Variants in DOK6 observed in about 807,000 individuals in gnomAD.
DOK6 encodes downstream of tyrosine kinase 6.
DOK6 carries 22 observed loss-of-function variants against 44.0 expected under a neutral mutation model. The ratio of observed to expected loss-of-function variants is 0.50; its 90% CI spans 0.36 to 0.71. DOK6 has a LOEUF of 0.71. DOK6 is among the 30% of genes least tolerant of loss of function. The pLI is 0.00. For missense variants in DOK6, 340 were observed against 416.4 expected, an observed-to-expected ratio of 0.82 and a Z score of 1.60; for synonymous variants, 166 against 145.5, an observed-to-expected ratio of 1.14 and a Z score of -1.01.
At chr18:69,585,093 A>G (rs146112692) in intron 2 of DOK6, among the ~76,000 whole-genome samples, 9 of 151,906 alleles carry the variant, frequency 5.9e-5, no homozygotes, top group African/African-American at 2.2e-4. Context: ...TTTATTTTAA[A>G]TCACATTTTC....
chr18:69,428,836 T>C (rs1829131213), intron 1 of DOK6, among the ~76,000 whole-genome samples: 1 of 152,246 alleles, frequency 6.6e-6, no homozygotes, highest in African/African-American at 2.4e-5. Flanking sequence ...TGTGGTACTA[T>C]ATTTTACATC....
intron 1 of DOK6, among the ~76,000 whole-genome samples, chr18:69,482,752 T>C (rs1430416977): frequency 1.3e-5 from 2 of 151,770 alleles, no homozygotes; most frequent in East Asian, 3.9e-4. Context: ...TAAAAATTAT[T>C]CTATAAAATA....
intron 1 of DOK6, among the ~76,000 whole-genome samples, chr18:69,413,161 G>C (rs911588751): frequency 6.6e-6 from 1 of 152,080 alleles, no homozygotes; most frequent in Non-Finnish European, 1.5e-5. Flanking sequence ...AAATCAGCAA[G>C]TGTCAGCTTC....
chr18:69,738,512 G>A (rs1441161023), intron 5 of DOK6, among the ~76,000 whole-genome samples: 1 of 151,952 alleles, frequency 6.6e-6, no homozygotes, highest in Non-Finnish European at 1.5e-5. Context: ...TTAGATAGTT[G>A]AAAAAAGAAT....
At chr18:69,798,489 T>A (rs1980812110) in intron 7 of DOK6, among the ~76,000 whole-genome samples, 1 of 152,082 alleles carries the variant, frequency 6.6e-6, no homozygotes, top group Non-Finnish European at 1.5e-5. Flanking sequence ...GTATGTGTAG[T>A]ACCAAATTAT....
intron 7 of DOK6, among the ~76,000 whole-genome samples, chr18:69,811,486 G>T (rs1473375595): frequency 7.2e-6 from 1 of 138,930 alleles, no homozygotes; most frequent in African/African-American, 2.9e-5. Context: ...AGTATGTGAG[G>T]TAATGCATAT....
intron 7 of DOK6, among the ~76,000 whole-genome samples, chr18:69,829,203 T>C (rs1013595133): frequency 1.3e-5 from 2 of 151,336 alleles, no homozygotes; most frequent in African/African-American, 4.8e-5. Flanking sequence ...CAGGAAATTA[T>C]TTTAATAATT....
intron 1 of DOK6, among the ~76,000 whole-genome samples, chr18:69,490,288 C>A (rs1239024791): frequency 6.6e-6 from 1 of 152,102 alleles, no homozygotes; most frequent in African/African-American, 2.4e-5. Context: ...AGGAGGAACT[C>A]TAGTCCACAT....
chr18:69,654,030 A>T (rs1349933523), intron 3 of DOK6, among the ~76,000 whole-genome samples: 2 of 152,250 alleles, frequency 1.3e-5, no homozygotes, highest in African/African-American at 4.8e-5. Context: ...GAGACGTCTA[A>T]AAAATGAATC....
chr18:69,554,585 T>C (rs971598578), intron 1 of DOK6, among the ~76,000 whole-genome samples: 7 of 152,218 alleles, frequency 4.6e-5, no homozygotes, highest in Admixed American at 3.9e-4. Context: ...TTGAGACTTA[T>C]GTGAATAATG....
At position 69,692,781 on chromosome 18, in the gene DOK6, T is replaced by C. The variant is rs557244732; in HGVS notation, c.410-5623T>C. Reference sequence around the variant, plus strand: ...TATAAACTACAGCAGAATGAAAAAATATGTAAACAAATTATCCAATACTTA... The same window carrying C: ...TATAAACTACAGCAGAATGAAAAAACATGTAAACAAATTATCCAATACTTA... On this transcript the variant is annotated intron_variant, in intron 4 of 7. Transcript: ENST00000382713. Among the ~76,000 whole-genome samples, 44 of 152,310 alleles carry C rather than the reference T, an allele frequency of 2.9e-4. No homozygotes were observed. In the South Asian group the frequency reaches 7.9e-3, roughly 27 times the overall value.
intron 7 of DOK6, among the ~76,000 whole-genome samples, chr18:69,830,154 G>A (rs1328116044): frequency 6.6e-6 from 1 of 152,036 alleles, no homozygotes; most frequent in African/African-American, 2.4e-5. Flanking sequence ...CATTAATTAT[G>A]TTCAGTTTTT....
At chr18:69,787,678 A>G (rs1980473055) in intron 7 of DOK6, among the ~76,000 whole-genome samples, 1 of 152,198 alleles carries the variant, frequency 6.6e-6, no homozygotes, top group Non-Finnish European at 1.5e-5. Flanking sequence ...GCACGCTGCT[A>G]AACAACCTCA....
At chr18:69,472,322 C>T (rs1452327172) in intron 1 of DOK6, among the ~76,000 whole-genome samples, 7 of 152,138 alleles carry the variant, frequency 4.6e-5, no homozygotes, top group Non-Finnish European at 4.4e-5. Flanking sequence ...TCCCTTTTTC[C>T]TTGCACTGTA....
intron 1 of DOK6, among the ~76,000 whole-genome samples, chr18:69,528,849 C>T (rs114046488): frequency 3.3e-5 from 5 of 152,158 alleles, no homozygotes; most frequent in African/African-American, 1.2e-4. Flanking sequence ...TGAGTCTCAC[C>T]TTTTGCTAAA....
At chr18:69,691,459 TG>T in intron 4 of DOK6, among the ~76,000 whole-genome samples, 1 of 152,176 alleles carries the variant, frequency 6.6e-6, no homozygotes, top group Non-Finnish European at 1.5e-5. Flanking sequence ...GAGGACAGAC[TG>T]GCTTCTCACC....
intron 3 of DOK6, among the ~76,000 whole-genome samples, chr18:69,622,913 G>A (rs1984475674): frequency 1.3e-5 from 2 of 152,150 alleles, no homozygotes. Context: ...GAATCACACG[G>A]AAGTGAAATA....
intron 6 of DOK6, among the ~76,000 whole-genome samples, chr18:69,739,366 T>C (rs557477282): frequency 1.9e-4 from 29 of 152,342 alleles, no homozygotes; most frequent in African/African-American, 2.9e-4. Flanking sequence ...AGAGAGTAGA[T>C]TGCATGAAAT....
intron 7 of DOK6, among the ~76,000 whole-genome samples, chr18:69,767,522 G>A (rs898332646): frequency 7.8e-6 from 1 of 128,084 alleles, no homozygotes; most frequent in Non-Finnish European, 1.6e-5. Context: ...GAAGGACTGT[G>A]TTTAGCTCAG....
Sources: allele counts gnomAD v4.1 joint callset (sites outside exome capture counted in the v4.1 genomes callset), GRCh38; gene constraint gnomAD v4.1.1; transcripts MANE v1.5; gene names NCBI Gene and HGNC (gene_info 2026-07-23, HGNC 2026-07-21).